Variants in RPGRIP1 observed in about 807,000 individuals in gnomAD.
RPGRIP1 encodes the protein X-linked retinitis pigmentosa GTPase regulator-interacting protein 1.
In RPGRIP1, 128 loss-of-function variants were observed where a neutral mutation model predicts 157.9. That is an observed-to-expected ratio of 0.81 (90% CI 0.70 to 0.94). The LOEUF (loss-of-function observed/expected upper bound fraction) is 0.94. Ranked by LOEUF, RPGRIP1 falls within the 40% of genes least tolerant of loss-of-function variation. The probability of loss-of-function intolerance (pLI) is 0.00; values close to 1 mark genes in which losing one functional copy is unlikely to be tolerated. For synonymous variants in RPGRIP1, 554 were observed against 571.6 expected (o/e 0.97, Z 0.44); for missense variants, 1,486 against 1,545.8 (o/e 0.96, Z 0.65).
chr14:21,350,300 C>CG (rs1222820720), intron 24 of RPGRIP1, among the ~76,000 whole-genome samples: 3 of 149,018 alleles, frequency 2.0e-5, no homozygotes, highest in African/African-American at 7.5e-5. Flanking sequence ...TGCTTGAACC[C>CG]GGGAGGCGGA....
chr14:21,348,439 GTATT>G (rs1001541219), intron 24 of RPGRIP1, 137 bp downstream of exon 24: 1 of 671,028 alleles, frequency 1.5e-6, no homozygotes, highest in Non-Finnish European at 2.3e-6. Flanking sequence ...CCCTACAACT[GTATT>G]TATTTCTGGA....
chr14:21,335,046 C>CAAAAAAAAAA (rs869065591), intron 21 of RPGRIP1, among the ~76,000 whole-genome samples: 2 of 28,046 alleles, frequency 7.1e-5, no homozygotes, highest in Non-Finnish European at 1.5e-4. Context: ...AACTCTGTCT[C>CAAAAAAAAAA]AAAAAAAAAA....
chr14:21,295,800 G>A (rs1478218477), intron 3 of RPGRIP1, among the ~76,000 whole-genome samples: 3 of 151,878 alleles, frequency 2.0e-5, no homozygotes, highest in African/African-American at 4.8e-5. Flanking sequence ...TTGAGACAGA[G>A]TCTCACTCTG....
intron 19 of RPGRIP1, among the ~76,000 whole-genome samples, chr14:21,329,234 G>A (rs558091078): frequency 6.6e-6 from 1 of 151,410 alleles, no homozygotes; most frequent in Non-Finnish European, 1.5e-5. Flanking sequence ...TAGGAGAATC[G>A]CTTGAACCCA....
chr14:21,338,462 G>C (rs1227187244), intron 21 of RPGRIP1, among the ~76,000 whole-genome samples: 1 of 152,150 alleles, frequency 6.6e-6, no homozygotes, highest in Non-Finnish European at 1.5e-5. Flanking sequence ...GTGTTATCTG[G>C]CACTAATCCT....
chr14:21,329,648 C>T (rs1372577493), intron 19 of RPGRIP1, among the ~76,000 whole-genome samples: 8 of 150,220 alleles, frequency 5.3e-5, no homozygotes, highest in East Asian at 2.1e-4. Context: ...ATTACAGGCA[C>T]GTGCCACCAC....
At chr14:21,328,113 G>C (rs1343925148) in intron 18 of RPGRIP1, among the ~76,000 whole-genome samples, 1 of 151,968 alleles carries the variant, frequency 6.6e-6, no homozygotes. Context: ...AGGTTGCGGC[G>C]AGCCGAGATC....
Position 21,321,253 on chromosome 14 carries a change from C to T in RPGRIP1, c.1468-6C>T. On this transcript the variant is annotated splice_region_variant and splice_polypyrimidine_tract_variant and intron_variant, in intron 12 of 24. Coordinates refer to ENST00000400017, the MANE Select transcript of RPGRIP1 (RefSeq NM_020366.4). ...CTCCCTTTTACCAATGCGTTTCCCT[C>T]TACAGCCAAGTGAACCCAAAAACCA... 6.2e-7 allele frequency: 1 copy of T among 1,611,290 alleles called. No individual in the cohort carries two copies. Among genetic ancestry groups the T allele is most frequent in the South Asian group, 1.1e-5 (1 of 90,546 alleles).
chr14:21,321,821 A>C (rs1446826376), intron 13 of RPGRIP1, 33 bp from the exon 14 acceptor site: 2 of 1,601,326 alleles, frequency 1.2e-6, no homozygotes, highest in Non-Finnish European at 1.7e-6. Context: ...TAGGCCACTG[A>C]GATAGAAAAG....
intron 1 of RPGRIP1, among the ~76,000 whole-genome samples, chr14:21,284,984 C>G (rs187109845): frequency 2.7e-5 from 4 of 150,174 alleles, no homozygotes; most frequent in Admixed American, 2.0e-4. Context: ...TTCATACATT[C>G]GGTGTTTATT....
chr14:21,343,204 G>A lies in RPGRIP1; in HGVS notation c.3508G>A (p.Glu1170Lys). The A allele has an allele frequency of 6.2e-7, 1 of 1,612,600 alleles. No individual in the cohort carries two copies. Among genetic ancestry groups the A allele is most frequent in the Non-Finnish European group, 8.5e-7 (1 of 1,179,372 alleles). ...CCTAAGGAAGCCTAGGGCAGGAGAA[G>A]AAATCCACTTTCACTTTAGCAAGGG... is the stretch of plus-strand genomic sequence containing the variant. ...VSLRKPRAGE[E>K]IHFHFSKVID... The change falls in exon 22 of 25, where the codon GAA (glutamate) becomes AAA (lysine). Residue 1170 changes from glutamate to lysine, a missense_variant. Physicochemically the swap from Glu to Lys is moderately conservative, Grantham distance 56. Coordinates refer to ENST00000400017, the MANE Select transcript of RPGRIP1 (RefSeq NM_020366.4).
intron 14 of RPGRIP1, among the ~76,000 whole-genome samples, chr14:21,322,583 A>G (rs985438244): frequency 2.6e-5 from 4 of 152,106 alleles, no homozygotes; most frequent in African/African-American, 9.7e-5. Context: ...TGTGAGAATG[A>G]GTATCACTGT....
At chr14:21,308,688 G>C (rs771746961) in intron 7 of RPGRIP1, among the ~76,000 whole-genome samples, 2 of 152,228 alleles carry the variant, frequency 1.3e-5, no homozygotes, top group Non-Finnish European at 2.9e-5. Flanking sequence ...AAACAAGGGA[G>C]AAGAAAGACG....
intron 7 of RPGRIP1, among the ~76,000 whole-genome samples, chr14:21,308,512 G>C (rs778966576): frequency 6.6e-6 from 1 of 152,152 alleles, no homozygotes; most frequent in African/African-American, 2.4e-5. Flanking sequence ...CCTATGCAGG[G>C]TATGGGCAGG....
chr14:21,329,866 C>G (rs577086732), intron 19 of RPGRIP1, among the ~76,000 whole-genome samples: 110 of 151,360 alleles, frequency 7.3e-4, no homozygotes, highest in African/African-American at 2.6e-3. Context: ...GCCTATAATC[C>G]TAGCACTTTG....
chr14:21,308,758 C>T (rs7154879), intron 7 of RPGRIP1, among the ~76,000 whole-genome samples: 81,749 of 151,634 alleles, frequency 0.54, 22,046 homozygotes, highest in South Asian at 0.61. Context: ...GAGGGGAGAC[C>T]TCATGTGCCG....
chr14:21,282,885 C>A (rs1198055971), intron 1 of RPGRIP1, among the ~76,000 whole-genome samples: 3 of 152,162 alleles, frequency 2.0e-5, no homozygotes, highest in Non-Finnish European at 2.9e-5. Context: ...GCTGGGATTA[C>A]AGGCGTGAGC....
rs924929431 is a variant in RPGRIP1, at chr14:21,334,674, T to C, written c.3308T>C (p.Val1103Ala). Residue 1103 changes from valine to alanine, a missense_variant, in exon 21 of 25, where the codon GTG becomes GCG. Physicochemically the swap from Val to Ala is moderately conservative, Grantham distance 64. Coordinates refer to ENST00000400017, the MANE Select transcript of RPGRIP1 (RefSeq NM_020366.4). Reference protein sequence around the residue: ...AQTTDSDDVIVPPMSQKYPKA... With the variant: ...AQTTDSDDVIAPPMSQKYPKA... Reference sequence around the variant, plus strand: ...ACTACCGACAGTGATGATGTCATAGTGCCACCCATGTCTCAGAAATATCCT... The same window carrying C: ...ACTACCGACAGTGATGATGTCATAGCGCCACCCATGTCTCAGAAATATCCT... 2 of 1,607,416 alleles carry C rather than the reference T, an allele frequency of 1.2e-6. No individual in the cohort carries two copies. The highest frequency in any genetic ancestry group is 1.6e-4 in the Middle Eastern group (1 of 6,082).
chr14:21,315,057 A>G (rs910838369), intron 10 of RPGRIP1, among the ~76,000 whole-genome samples: 3 of 151,588 alleles, frequency 2.0e-5, no homozygotes, highest in Admixed American at 6.6e-5. Context: ...GGTGGCGTGC[A>G]TCTGTATTCC....
Sources: gnomAD v4.1 joint callset for allele counts (sites outside exome capture counted in the v4.1 genomes callset) on GRCh38, gnomAD v4.1.1 for gene constraint, MANE v1.5 for transcripts, NCBI Gene and HGNC (gene_info 2026-07-23, HGNC 2026-07-21) for gene names.